Variants in NAALADL2 observed in about 807,000 individuals in gnomAD.
The protein encoded by NAALADL2 is N-acetylated alpha-linked acidic dipeptidase like 2.
In NAALADL2, 76 loss-of-function variants were observed where a neutral mutation model predicts 87.2. The observed-to-expected ratio is 0.87, with a 90% CI of 0.72 to 1.05. NAALADL2 has a LOEUF of 1.05. Ranked by LOEUF, NAALADL2 falls within the 50% of genes least tolerant of loss-of-function variation. The pLI is 0.00. For synonymous variants in NAALADL2, 354 were observed against 331.0 expected (o/e 1.07, Z -0.75); for missense variants, 1,089 against 945.8 (o/e 1.15, Z -1.99).
intron 2 of NAALADL2, among the ~76,000 whole-genome samples, chr3:175,156,153 T>G (rs1732278594): frequency 6.6e-6 from 1 of 152,184 alleles, no homozygotes; most frequent in Admixed American, 6.6e-5. Context: ...ATTCTTATTT[T>G]CAAATTTAAA....
At chr3:175,092,059 T>A (rs1213047993) in intron 1 of NAALADL2, among the ~76,000 whole-genome samples, 1 of 151,918 alleles carries the variant, frequency 6.6e-6, no homozygotes, top group Non-Finnish European at 1.5e-5. Context: ...ACTGCAATTA[T>A]TATTATTAGT....
At chr3:175,196,435 G>A (rs1005328466) in intron 2 of NAALADL2, among the ~76,000 whole-genome samples, 9 of 151,802 alleles carry the variant, frequency 5.9e-5, no homozygotes, top group Non-Finnish European at 1.2e-4. Context: ...GTGATGTCTG[G>A]AAGCTCTTCC....
At chr3:175,354,887 C>T (rs998893096) in intron 5 of NAALADL2, among the ~76,000 whole-genome samples, 16 of 150,128 alleles carry the variant, frequency 1.1e-4, no homozygotes, top group African/African-American at 3.2e-4. Flanking sequence ...TATATACACA[C>T]ACACACACAC....
intron 9 of NAALADL2, among the ~76,000 whole-genome samples, chr3:175,488,267 A>ACT (rs1376786368): frequency 1.5e-4 from 23 of 152,360 alleles, no homozygotes; most frequent in African/African-American, 5.3e-4. Context: ...ACAAGCACGA[A>ACT]TTAGTTTGAA....
chr3:174,823,192 TTTGTTG>T (rs777451538), intron 3 of NAALADL2, among the ~76,000 whole-genome samples: 6 of 152,050 alleles, frequency 3.9e-5, no homozygotes, highest in Admixed American at 1.3e-4. Flanking sequence ...AGTTTTCCTT[TTTGTTG>T]TTGTTGTTGT....
At chr3:175,792,800 T>C (rs1250545502) in intron 13 of NAALADL2, among the ~76,000 whole-genome samples, 1 of 152,206 alleles carries the variant, frequency 6.6e-6, no homozygotes, top group Admixed American at 6.5e-5. Flanking sequence ...AAGGAATAAG[T>C]TTCTTTCAGT....
At chr3:175,034,951 G>T (rs534741415) in intron 1 of NAALADL2, among the ~76,000 whole-genome samples, 1 of 152,232 alleles carries the variant, frequency 6.6e-6, no homozygotes, top group Non-Finnish European at 1.5e-5. Flanking sequence ...CTCATTGAGT[G>T]TTTTGTTCAC....
At chr3:175,086,371 A>G (rs1399280851) in intron 1 of NAALADL2, among the ~76,000 whole-genome samples, 6 of 152,138 alleles carry the variant, frequency 3.9e-5, no homozygotes, top group Admixed American at 6.5e-5. Flanking sequence ...GGCTGAAGGG[A>G]GGAAAACATA....
At chr3:174,455,936 G>C (rs1343928733) in intron 1 of NAALADL2, among the ~76,000 whole-genome samples, 1 of 151,970 alleles carries the variant, frequency 6.6e-6, no homozygotes, top group East Asian at 1.9e-4. Flanking sequence ...CCTGTGTGCA[G>C]ACATTATTCA....
intron 12 of NAALADL2, among the ~76,000 whole-genome samples, chr3:175,740,541 C>T (rs1745083427): frequency 6.6e-6 from 1 of 152,082 alleles, no homozygotes; most frequent in Non-Finnish European, 1.5e-5. Flanking sequence ...CTCAACAGAC[C>T]CAGACTTGGG....
intron 11 of NAALADL2, among the ~76,000 whole-genome samples, chr3:175,645,278 A>G (rs115563947): frequency 6.2e-4 from 95 of 152,288 alleles, no homozygotes; most frequent in African/African-American, 2.2e-3. Context: ...CACAGAGCGA[A>G]TCTTTACTAA....
intron 5 of NAALADL2, among the ~76,000 whole-genome samples, chr3:175,444,383 A>G (rs942497823): frequency 1.3e-5 from 2 of 152,174 alleles, no homozygotes; most frequent in Non-Finnish European, 2.9e-5. Context: ...ACATGAATCA[A>G]TTTGTCCTCA....
At chr3:175,384,519 C>T (rs1768134831) in intron 5 of NAALADL2, among the ~76,000 whole-genome samples, 1 of 151,886 alleles carries the variant, frequency 6.6e-6, no homozygotes, top group Non-Finnish European at 1.5e-5. Flanking sequence ...GTTTCTTTGA[C>T]TCATTGGATA....
intron 11 of NAALADL2, among the ~76,000 whole-genome samples, chr3:175,685,288 A>G (rs1436015072): frequency 6.6e-6 from 1 of 152,158 alleles, no homozygotes; most frequent in Admixed American, 6.6e-5. Flanking sequence ...CATCAAGTCC[A>G]ATTGTAATCT....
chr3:174,812,559 TAAA>T (rs1180267015), intron 3 of NAALADL2, among the ~76,000 whole-genome samples: 1 of 152,118 alleles, frequency 6.6e-6, no homozygotes, highest in African/African-American at 2.4e-5. Context: ...TTATAAAAAA[TAAA>T]AAACAAAGTT....
At chr3:175,402,947 A>G (rs1040799721) in intron 5 of NAALADL2, among the ~76,000 whole-genome samples, 2 of 152,098 alleles carry the variant, frequency 1.3e-5, no homozygotes, top group African/African-American at 4.8e-5. Flanking sequence ...TTCTACTTTG[A>G]CACTTTTAAA....
chr3:175,159,192 G>A (rs1399174366), intron 2 of NAALADL2, among the ~76,000 whole-genome samples: 3 of 152,062 alleles, frequency 2.0e-5, no homozygotes, highest in African/African-American at 7.2e-5. Flanking sequence ...CAGGCAATTA[G>A]CTACAAGTGC....
chr3:175,439,623 G>A (rs1031409923), intron 5 of NAALADL2, among the ~76,000 whole-genome samples: 2 of 151,430 alleles, frequency 1.3e-5, no homozygotes, highest in Non-Finnish European at 2.9e-5. Flanking sequence ...ATGTTTATTG[G>A]CCGTTTGTAT....
chr3:175,722,950 T>C (rs1040741121), intron 11 of NAALADL2, among the ~76,000 whole-genome samples: 2 of 152,146 alleles, frequency 1.3e-5, no homozygotes, highest in Admixed American at 6.6e-5. Context: ...TTTCTAATTT[T>C]CCTGAGGATC....
Sources: gnomAD v4.1 joint callset for allele counts (sites outside exome capture counted in the v4.1 genomes callset) on GRCh38, gnomAD v4.1.1 for gene constraint, MANE v1.5 for transcripts, NCBI Gene and HGNC (gene_info 2026-07-23, HGNC 2026-07-21) for gene names.